CCND3: variants seen among roughly 807,000 people sequenced by gnomAD.
The protein encoded by CCND3 is G1/S-specific cyclin-D3.
A neutral mutation model predicts 28.7 loss-of-function variants in CCND3; 9 were observed. That is an observed-to-expected ratio of 0.31 (90% CI 0.19 to 0.55). The LOEUF is 0.55. Among genes scored for constraint, CCND3 ranks in the 20% least tolerant of loss-of-function variants. The probability of loss-of-function intolerance (pLI) is 0.93; values close to 1 mark genes in which losing one functional copy is unlikely to be tolerated. For missense variants in CCND3, 315 were observed against 385.8 expected, an observed-to-expected ratio of 0.82 and a Z score of 1.54; for synonymous variants, 164 against 163.9, an observed-to-expected ratio of 1.00 and a Z score of 0.00.
In CCND3 at chr6:41,958,137, C is replaced by T. The variant is rs143068805; in HGVS notation, c.-45-17552G>A. Among the ~76,000 whole-genome samples the T allele has an allele frequency of 1.7e-3, 262 of 151,602 alleles. 3 individuals carry two copies. Among genetic ancestry groups the T allele is most frequent in the Non-Finnish European group, 5.9e-4 (40 of 67,946 alleles). On this transcript the variant is annotated intron_variant, in intron 1 of 4. Transcript: ENST00000372988. ...TCAGCCTCCTGAGTAGCTGGGACTA[C>T]AGTTGCAAGCCACCATGCCCAGCTA... is the stretch of plus-strand genomic sequence containing the variant.
At chr6:42,031,904 C>T (rs1764057610) in intron 1 of CCND3, among the ~76,000 whole-genome samples, 1 of 151,712 alleles carries the variant, frequency 6.6e-6, no homozygotes, top group Non-Finnish European at 1.5e-5. Flanking sequence ...ATTCTCCTGC[C>T]CCAGCCTCCC....
chr6:42,027,565 A>G (rs1168709502), intron 1 of CCND3, among the ~76,000 whole-genome samples: 2 of 152,100 alleles, frequency 1.3e-5, no homozygotes, highest in Non-Finnish European at 2.9e-5. Flanking sequence ...TCAATTGCGT[A>G]TCTCCTTCCC....
intron 1 of CCND3, among the ~76,000 whole-genome samples, chr6:42,000,716 T>C (rs1762983321): frequency 6.6e-6 from 1 of 151,032 alleles, no homozygotes. Flanking sequence ...TACAGGCATG[T>C]GCCACCATGC....
At chr6:42,011,172 T>C (rs984544781) in intron 1 of CCND3, 4 of 152,196 alleles carry the variant, frequency 2.6e-5, no homozygotes, top group African/African-American at 9.7e-5. Context: ...GGCTGGAGTA[T>C]GTTGGTGCAA....
intron 1 of CCND3, among the ~76,000 whole-genome samples, chr6:41,991,122 G>A (rs1165135712): frequency 6.6e-6 from 1 of 151,220 alleles, no homozygotes; most frequent in Non-Finnish European, 1.5e-5. Context: ...GCAATGGCGT[G>A]ATCTCAGCTC....
At chr6:42,038,182 T>C (rs997429703) in intron 1 of CCND3, among the ~76,000 whole-genome samples, 1 of 152,138 alleles carries the variant, frequency 6.6e-6, no homozygotes, top group East Asian at 1.9e-4. Context: ...ATCTAGTTCT[T>C]GGTATTCTTT....
intron 1 of CCND3, among the ~76,000 whole-genome samples, chr6:41,981,691 T>A (rs1048030576): frequency 2.6e-5 from 4 of 151,884 alleles, no homozygotes; most frequent in Non-Finnish European, 2.9e-5. Context: ...ACCTAGCCAA[T>A]TTTTGTATTT....
chr6:42,045,474 G>A (rs1490874871), intron 1 of CCND3, among the ~76,000 whole-genome samples: 3 of 152,156 alleles, frequency 2.0e-5, no homozygotes, highest in South Asian at 2.1e-4. Context: ...GACAGCTCCC[G>A]CAACACCATT....
upstream of CCND3, among the ~76,000 whole-genome samples, chr6:41,943,446 C>T (rs1244886862): frequency 6.6e-6 from 1 of 151,938 alleles, no homozygotes; most frequent in Non-Finnish European, 1.5e-5. Context: ...TATTCTAGGA[C>T]ATAATTTGTA....
rs1775924038 is a variant in CCND3 at position 41,939,613 on chromosome 6, G to A, written c.414+757C>T. Among the ~76,000 whole-genome samples the A allele has an allele frequency of 6.6e-6, 1 of 152,114 alleles. No individual in the cohort carries two copies. The highest frequency in any genetic ancestry group is 2.1e-4 in the South Asian group (1 of 4,826). On this transcript the variant is annotated intron_variant, in intron 2 of 4. Transcript: ENST00000372991. The surrounding 1 kb of genome is among the most constrained non-coding windows in gnomAD (Gnocchi z 4.2). ...TCCCCACAGGGTTATGAAAGACCTTGGTCAGAGAGGGCGGGCCAGGGGAGG... is the reference window on the plus strand; with the variant it reads ...TCCCCACAGGGTTATGAAAGACCTTAGTCAGAGAGGGCGGGCCAGGGGAGG...
chr6:41,983,297 G>T (rs1244970880), intron 1 of CCND3, among the ~76,000 whole-genome samples: 2 of 151,068 alleles, frequency 1.3e-5, no homozygotes, highest in African/African-American at 2.4e-5. Flanking sequence ...AAAATCGCTT[G>T]AGCCCAGGAG....
At chr6:41,980,671 G>A (rs970774394) in intron 1 of CCND3, among the ~76,000 whole-genome samples, 10 of 152,022 alleles carry the variant, frequency 6.6e-5, no homozygotes, top group African/African-American at 2.4e-4. Flanking sequence ...TGTATAAAAA[G>A]AATTATACAT....
chr6:42,006,564 T>C (rs577897055), intron 1 of CCND3, among the ~76,000 whole-genome samples: 1 of 152,274 alleles, frequency 6.6e-6, no homozygotes, highest in Admixed American at 6.5e-5. Flanking sequence ...TCATTATTAA[T>C]AGATGATATG....
At chr6:42,049,067 C>T (rs1028211923), upstream of CCND3, 2 of 166,586 alleles carry the variant, frequency 1.2e-5, no homozygotes, top group Non-Finnish European at 2.5e-5. Flanking sequence ...ATGGAGTCTC[C>T]CTCTGTCGCC....
Position 42,029,484 on chromosome 6 carries a change from G to A in CCND3, c.-46+19017C>T, listed in dbSNP as rs535134714. ...AAAGGAGGGATTTAAATACAGTGAT[G>A]TGGCACCATGCCAGGTTGCCAGCAA... On this transcript the variant is annotated intron_variant, in intron 1 of 4. Transcript: ENST00000372988. 3.9e-5 allele frequency among the ~76,000 whole-genome samples: 6 copies of A among 152,210 alleles called. No homozygotes were observed. In the East Asian group the frequency reaches 1.2e-3, roughly 29 times the overall value.
intron 1 of CCND3, chr6:42,010,987 G>A (rs1351316847): frequency 6.6e-6 from 1 of 152,092 alleles, no homozygotes; most frequent in African/African-American, 2.4e-5. Context: ...CACTTCAGGA[G>A]TTCATCCAAG....
At chr6:41,974,275 G>C (rs956967615) in intron 1 of CCND3, among the ~76,000 whole-genome samples, 2 of 152,126 alleles carry the variant, frequency 1.3e-5, no homozygotes, top group Non-Finnish European at 2.9e-5. Context: ...CCAACTCCAC[G>C]AGTGATTTCT....
At position 42,048,865 on chromosome 6, in the gene CCND3, C is replaced by G; in HGVS notation, c.-410G>C. 3.2e-6 allele frequency: 1 copy of G among 308,732 alleles called. No individual in the cohort carries two copies. Among genetic ancestry groups the G allele is most frequent in the Non-Finnish European group, 6.2e-6 (1 of 162,188 alleles). The allele number at this position is 308,732 out of a possible 1,614,324, so 19.1% of individuals were successfully genotyped here. A position where few individuals can be genotyped will look rare whatever the true frequency, so the allele number is the denominator to read the frequency against. ...GCTCATCCGGCGCCGCGCACCCCCG[C>G]CCGCAGCCCCCGCCCCACGCGGCAT... On this transcript the variant is annotated 5_prime_UTR_variant, in exon 1 of 5. Transcript: ENST00000372988. The surrounding 1 kb of genome is among the most constrained non-coding windows in gnomAD (Gnocchi z 4.7).
At chr6:42,019,065 A>G (rs1273743521) in intron 1 of CCND3, among the ~76,000 whole-genome samples, 4 of 152,156 alleles carry the variant, frequency 2.6e-5, no homozygotes, top group Admixed American at 6.6e-5. Context: ...GGGGCAAACT[A>G]CTCCATATTT....
Sources: allele counts gnomAD v4.1 joint callset (sites outside exome capture counted in the v4.1 genomes callset), GRCh38; gene constraint gnomAD v4.1.1; non-coding constraint Gnocchi (gnomAD v3.1); transcripts MANE v1.5; gene names NCBI Gene and HGNC (gene_info 2026-07-23, HGNC 2026-07-21).